CYP2R1: variants seen among roughly 807,000 people sequenced by gnomAD.
CYP2R1 encodes the protein vitamin D 25-hydroxylase.
Under a neutral mutation model 45.7 loss-of-function variants are expected in CYP2R1, and 40 were observed. The observed-to-expected ratio is 0.87, with a 90% CI of 0.68 to 1.14. The LOEUF is 1.14. CYP2R1 is among the 50% of genes most tolerant of loss of function. The pLI is 0.00. For missense variants in CYP2R1, 605 were observed against 602.6 expected, an observed-to-expected ratio of 1.00 and a Z score of -0.04; for synonymous variants, 234 against 219.3, an observed-to-expected ratio of 1.07 and a Z score of -0.59.
At chr11:14,883,522 C>T (rs1322799381) in intron 2 of CYP2R1, among the ~76,000 whole-genome samples, 1 of 151,016 alleles carries the variant, frequency 6.6e-6, no homozygotes, top group Admixed American at 6.6e-5. Context: ...ACACCTTATA[C>T]AAAAATTAAT....
intron 1 of CYP2R1, among the ~76,000 whole-genome samples, chr11:14,889,327 A>C (rs1243580746): frequency 6.6e-6 from 1 of 152,218 alleles, no homozygotes; most frequent in African/African-American, 2.4e-5. Context: ...TTAACAATTT[A>C]TGCCAACTTT....
intron 3 of CYP2R1, 109 bp downstream of exon 3, chr11:14,880,027 G>T: frequency 2.0e-6 from 2 of 1,022,006 alleles, no homozygotes; most frequent in Non-Finnish European, 2.9e-6. Flanking sequence ...TACTTGGCTG[G>T]CATCGCAGGA....
At chr11:14,889,943 C>T (rs1438556468) in intron 1 of CYP2R1, among the ~76,000 whole-genome samples, 1 of 151,834 alleles carries the variant, frequency 6.6e-6, no homozygotes, top group Non-Finnish European at 1.5e-5. Flanking sequence ...CCTGCCTAAC[C>T]GAGTGAATGC....
intron 1 of CYP2R1, 135 bp downstream of exon 1, chr11:14,891,846 C>A: frequency 7.1e-7 from 1 of 1,411,920 alleles, no homozygotes; most frequent in Non-Finnish European, 9.4e-7. Context: ...AGCGGGTGTC[C>A]CTCAAAGGGC....
intron 2 of CYP2R1, among the ~76,000 whole-genome samples, chr11:14,884,688 T>G (rs985824549): frequency 6.6e-6 from 1 of 151,292 alleles, no homozygotes; most frequent in Admixed American, 6.6e-5. Context: ...TAATAATAAT[T>G]TAAAAAAATA....
intron 2 of CYP2R1, among the ~76,000 whole-genome samples, chr11:14,882,566 G>A (rs1355132742): frequency 6.6e-6 from 1 of 152,136 alleles, no homozygotes; most frequent in Non-Finnish European, 1.5e-5. Flanking sequence ...CACCCAAAGG[G>A]CAACTTTTTC....
upstream of CYP2R1, chr11:14,892,356 G>T (rs1848896687): frequency 1.4e-6 from 1 of 716,118 alleles, no homozygotes; most frequent in Non-Finnish European, 2.3e-6. Flanking sequence ...GCCCCTTCGG[G>T]ACAACTACCT....
In CYP2R1 at chr11:14,878,896, CA is replaced by C. The variant is rs782304321; in HGVS notation, c.1330+217del. On this transcript the variant is annotated intron_variant, in intron 4 of 4. Transcript: ENST00000334636. Reference sequence around the variant, plus strand: ...AGATTTAGAAGAAGCCAGGGGTTCTCAAAAGTTCATCTATAGTTAATAAATT... The same window carrying C: ...AGATTTAGAAGAAGCCAGGGGTTCTCAAAGTTCATCTATAGTTAATAAATT... Among the ~76,000 whole-genome samples the C allele has an allele frequency of 3.3e-5, 5 of 152,100 alleles. No individual in the cohort carries two copies. The East Asian group carries it at 7.8e-4, about 24-fold the overall frequency.
intron 1 of CYP2R1, among the ~76,000 whole-genome samples, chr11:14,888,541 T>A (rs1848705688): frequency 6.6e-6 from 1 of 152,162 alleles, no homozygotes; most frequent in Non-Finnish European, 1.5e-5. Context: ...CCATACCAAG[T>A]CTTTAGGGAC....
rs1565175314 is a variant in CYP2R1, at chr11:14,877,831, C to T, written c.*291G>A. On this transcript the variant is annotated 3_prime_UTR_variant, in exon 5 of 5. Coordinates refer to ENST00000334636, the MANE Select transcript of CYP2R1 (RefSeq NM_024514.5). ...AGGGATGAAAGTACCTGGTACTAAACAAGATGCTCAGCTTAGGGCGTCCAT... is the reference window on the plus strand; with the variant it reads ...AGGGATGAAAGTACCTGGTACTAAATAAGATGCTCAGCTTAGGGCGTCCAT... 3.0e-6 allele frequency: 1 copy of T among 333,614 alleles called. No homozygotes were observed. Among genetic ancestry groups the T allele is most frequent in the African/African-American group, 2.1e-5 (1 of 46,708 alleles). 20.7% of individuals were successfully genotyped at this position (333,614 alleles called of 1,614,324 possible).
intron 1 of CYP2R1, among the ~76,000 whole-genome samples, chr11:14,887,880 G>A (rs550595409): frequency 3.9e-5 from 6 of 152,208 alleles, no homozygotes; most frequent in South Asian, 2.1e-4. Flanking sequence ...GCAGGTGACC[G>A]GTCTAAGTCA....
At chr11:14,881,579 C>T (rs1555012331) in intron 2 of CYP2R1, among the ~76,000 whole-genome samples, 1 of 152,062 alleles carries the variant, frequency 6.6e-6, no homozygotes, top group African/African-American at 2.4e-5. Context: ...ATGGTGGGAA[C>T]TGATTGGATC....
Position 14,880,369 on chromosome 11 carries a change from AAAT to A in CYP2R1, c.764_766del (p.Asp255_Phe256delinsVal). 6.2e-7 allele frequency: 1 copy of A among 1,613,424 alleles called. No individual in the cohort carries two copies. The highest frequency in any genetic ancestry group is 1.1e-5 in the South Asian group (1 of 91,064). The stretch of plus-strand genomic sequence containing the variant: ...AGCTTTTTCAATGAGTCTGGAGAGA[AAAT>A]CATAGACTACAGCTGCATTTCTAAA... On this transcript the variant is annotated inframe_deletion, in exon 3 of 5. Transcript: ENST00000334636.
intron 1 of CYP2R1, among the ~76,000 whole-genome samples, chr11:14,888,681 T>C (rs1465078105): frequency 6.6e-6 from 1 of 152,196 alleles, no homozygotes; most frequent in African/African-American, 2.4e-5. Context: ...TCTTGTCTTC[T>C]GCCTGCATGC....
rs1244312482 is a variant in CYP2R1, at chr11:14,878,313, A to C, written c.1331-16T>G. On this transcript the variant is annotated splice_polypyrimidine_tract_variant and intron_variant, in intron 4 of 4. Transcript: ENST00000334636. ...TGTCTTCTTCCTAAACAGAAAAAGC[A>C]GATACAATAATTTTTTAAACCCACA... The C allele has an allele frequency of 6.2e-7, 1 of 1,611,882 alleles. No homozygotes were observed.
At chr11:14,882,254 AAGAC>A (rs781939448) in intron 2 of CYP2R1, among the ~76,000 whole-genome samples, 4 of 152,180 alleles carry the variant, frequency 2.6e-5, no homozygotes, top group Non-Finnish European at 2.9e-5. Flanking sequence ...ACTAGTAGGA[AAGAC>A]AGACAAAACA....
In CYP2R1 at chr11:14,885,776, C is replaced by G. The variant is rs782523665; in HGVS notation, c.367G>C (p.Gly123Arg). Reference sequence around the variant, plus strand: ...ACTAAATAGGTGCAAATAAACATACCTCCCATTTTTGTCATCTTCATGAAT... The same window carrying G: ...ACTAAATAGGTGCAAATAAACATACGTCCCATTTTTGTCATCTTCATGAAT... ...PLFMKMTKMG[G>R]LLNSRYGRGW... The change falls in exon 2 of 5, where the codon GGC becomes CGC. Residue 123 changes from glycine to arginine, a missense_variant and splice_region_variant. Coordinates refer to ENST00000334636, the MANE Select transcript of CYP2R1 (RefSeq NM_024514.5). 6.2e-7 allele frequency: 1 copy of G among 1,611,944 alleles called. No homozygotes were observed. The highest frequency in any genetic ancestry group is 8.5e-7 in the Non-Finnish European group (1 of 1,179,516).
Position 14,891,884 on chromosome 11 carries a change from G to T in CYP2R1, c.225+97C>A, listed in dbSNP as rs1848871704. 5 of 1,463,756 alleles carry T rather than the reference G, an allele frequency of 3.4e-6. No homozygotes were observed. In the South Asian group the frequency reaches 6.5e-5, roughly 19 times the overall value. 90.7% of individuals were successfully genotyped at this position (1,463,756 alleles called of 1,614,324 possible). A position where few individuals can be genotyped will look rare whatever the true frequency, so the allele number is the denominator to read the frequency against. On this transcript the variant is annotated intron_variant, in intron 1 of 4. Coordinates refer to ENST00000334636, the MANE Select transcript of CYP2R1 (RefSeq NM_024514.5). ...CCGGCACACGGAGAGGTCCCGACTA[G>T]TCGGCCCAGGGGCGGCCATAAGTCC...
chr11:14,880,023 G>T, intron 3 of CYP2R1, 113 bp downstream of exon 3: 4 of 973,944 alleles, frequency 4.1e-6, no homozygotes, highest in Non-Finnish European at 6.2e-6. Flanking sequence ...TCTATACTTG[G>T]CTGGCATCGC....
Sources: allele counts gnomAD v4.1 joint callset (sites outside exome capture counted in the v4.1 genomes callset), GRCh38; gene constraint gnomAD v4.1.1; transcripts MANE v1.5; gene names NCBI Gene and HGNC (gene_info 2026-07-23, HGNC 2026-07-21).